DNAJC1: variants seen among roughly 807,000 people sequenced by gnomAD.
DNAJC1 encodes DnaJ heat shock protein family (Hsp40) member C1.
In DNAJC1, 58 loss-of-function variants were observed where a neutral mutation model predicts 76.6. The ratio of observed to expected loss-of-function variants is 0.76; its 90% confidence interval spans 0.61 to 0.94. DNAJC1 has a LOEUF of 0.94. Among genes scored for constraint, DNAJC1 ranks in the 40% least tolerant of loss-of-function variants. The probability of loss-of-function intolerance (pLI) is 0.00; values close to 1 mark genes in which losing one functional copy is unlikely to be tolerated. For missense variants in DNAJC1, 689 were observed against 677.3 expected, an observed-to-expected ratio of 1.02 and a Z score of -0.19; for synonymous variants, 258 against 267.9, an observed-to-expected ratio of 0.96 and a Z score of 0.36.
In DNAJC1 at chr10:21,919,819, T is replaced by C. The variant is rs1837011655; in HGVS notation, c.635+13A>G. ...ACAGCTTCAAATTATAAAGTATTTT[T>C]ATATGCTCTCACCTTTCATTTTTTT... On this transcript the variant is annotated intron_variant, in intron 5 of 11. Transcript: ENST00000376980. 3 of 1,570,306 alleles carry C rather than the reference T, an allele frequency of 1.9e-6. No individual in the cohort carries two copies. The highest frequency in any genetic ancestry group is 2.6e-6 in the Non-Finnish European group (3 of 1,153,074).
intron 9 of DNAJC1, chr10:21,785,251 A>G (rs1463636686): frequency 6.6e-6 from 1 of 152,236 alleles, no homozygotes; most frequent in Non-Finnish European, 1.5e-5. Context: ...GTGTGGAGGC[A>G]GTCAGGATGC....
intron 8 of DNAJC1, among the ~76,000 whole-genome samples, chr10:21,876,392 A>G (rs1321009559): frequency 6.6e-6 from 1 of 152,136 alleles, no homozygotes; most frequent in Non-Finnish European, 1.5e-5. Context: ...GATTATAGGC[A>G]TGAGCTACTG....
rs368875440 is a variant in DNAJC1 at position 21,987,789 on chromosome 10, T to C, written c.222+15424A>G. On this transcript the variant is annotated intron_variant, in intron 1 of 11. Coordinates refer to ENST00000376980, the MANE Select transcript of DNAJC1 (RefSeq NM_022365.4). ...CAAAGTAATATAATCTACACGGATA[T>C]ATGTTAGTAATATTAGCAGAACTCT... is the stretch of plus-strand genomic sequence containing the variant. Among the ~76,000 whole-genome samples, 6 of 152,334 alleles carry C rather than the reference T, an allele frequency of 3.9e-5. 1 individual carries two copies. In the South Asian group the frequency reaches 1.2e-3, roughly 32 times the overall value.
chr10:21,867,437 C>T (rs1836019738), intron 8 of DNAJC1, among the ~76,000 whole-genome samples: 1 of 152,040 alleles, frequency 6.6e-6, no homozygotes, highest in South Asian at 2.1e-4. Context: ...CTCAGTCATA[C>T]TAGTCAAATT....
At chr10:21,837,429 C>A (rs376749259) in intron 8 of DNAJC1, among the ~76,000 whole-genome samples, 8 of 150,318 alleles carry the variant, frequency 5.3e-5, no homozygotes, top group Non-Finnish European at 1.2e-4. Context: ...AAGTGAAGAG[C>A]GCCTCTTCCC....
intron 11 of DNAJC1, among the ~76,000 whole-genome samples, chr10:21,757,165 G>A (rs1223348799): frequency 1.3e-5 from 2 of 152,218 alleles, no homozygotes; most frequent in Non-Finnish European, 2.9e-5. Context: ...CTTTCCCTAG[G>A]CGCTGCTAAG....
In DNAJC1 at chr10:21,873,389, T is replaced by G. The variant is rs138661289; in HGVS notation, c.978+8893A>C. 3.6e-3 allele frequency among the ~76,000 whole-genome samples: 544 copies of G among 152,266 alleles called. 2 individuals carry two copies. Among genetic ancestry groups the G allele is most frequent in the Admixed American group, 5.8e-3 (89 of 15,296 alleles). ...ATGCCCCAAAGAAGTAACTCATGAT[T>G]TTGAGAAATCTTCAATAAGATTAAC... On this transcript the variant is annotated intron_variant, in intron 8 of 11. Coordinates refer to ENST00000376980, the MANE Select transcript of DNAJC1 (RefSeq NM_022365.4).
intron 9 of DNAJC1, among the ~76,000 whole-genome samples, chr10:21,780,937 G>C (rs11012786): frequency 8.9e-4 from 135 of 151,988 alleles, no homozygotes; most frequent in African/African-American, 3.1e-3. Flanking sequence ...AAGAAAAGCA[G>C]GGGTTGCAAT....
chr10:21,872,471 A>G lies in DNAJC1; in HGVS notation c.978+9811T>C, dbSNP rs539973133. Among the ~76,000 whole-genome samples, 196 of 152,306 alleles carry G rather than the reference A, an allele frequency of 1.3e-3. 2 individuals are homozygous for G. Among genetic ancestry groups the G allele is most frequent in the African/African-American group, 4.4e-3 (184 of 41,570 alleles). On this transcript the variant is annotated intron_variant, in intron 8 of 11. Coordinates refer to ENST00000376980, the MANE Select transcript of DNAJC1 (RefSeq NM_022365.4). ...GCACCACCAAATTCAGAATATCAAC[A>G]GATTAAGTTATTTAAAGGGCAAATA...
intron 8 of DNAJC1, among the ~76,000 whole-genome samples, chr10:21,834,188 T>C (rs901721298): frequency 3.7e-4 from 57 of 152,094 alleles, no homozygotes; most frequent in Middle Eastern, 3.4e-3. Context: ...GGCGTCAACC[T>C]GGGAGGTGGA....
chr10:21,813,021 A>G (rs913724288), intron 8 of DNAJC1, among the ~76,000 whole-genome samples: 17 of 84,370 alleles, frequency 2.0e-4, no homozygotes, highest in African/African-American at 8.2e-4. Flanking sequence ...ACATATACAC[A>G]CACATACACA....
At chr10:21,934,190 T>G (rs959766007) in intron 1 of DNAJC1, among the ~76,000 whole-genome samples, 2 of 151,738 alleles carry the variant, frequency 1.3e-5, no homozygotes, top group Non-Finnish European at 2.9e-5. Context: ...TGTTTGTGTC[T>G]TAATTTTTAA....
At chr10:21,782,288 TAGA>T (rs1834541877) in intron 9 of DNAJC1, among the ~76,000 whole-genome samples, 1 of 152,140 alleles carries the variant, frequency 6.6e-6, no homozygotes. Context: ...CTAGAAAATC[TAGA>T]AGAAATGGAT....
chr10:21,867,407 C>G (rs759274011), intron 8 of DNAJC1, among the ~76,000 whole-genome samples: 15 of 152,206 alleles, frequency 9.9e-5, no homozygotes, highest in Non-Finnish European at 2.1e-4. Context: ...TACAGGCCAA[C>G]ACAATTTAAA....
intron 8 of DNAJC1, among the ~76,000 whole-genome samples, chr10:21,876,558 C>G (rs1440019900): frequency 6.6e-6 from 1 of 152,102 alleles, no homozygotes; most frequent in Non-Finnish European, 1.5e-5. Flanking sequence ...TGGAAAACAA[C>G]AAGCTGCATT....
chr10:21,816,545 CTTTT>C (rs770275203), intron 8 of DNAJC1, among the ~76,000 whole-genome samples: 3 of 134,596 alleles, frequency 2.2e-5, no homozygotes, highest in Admixed American at 1.5e-4. Flanking sequence ...GTCTCTCTCT[CTTTT>C]TTTTTTTTTT....
intron 6 of DNAJC1, among the ~76,000 whole-genome samples, chr10:21,914,686 T>TA (rs1413418143): frequency 6.6e-6 from 1 of 152,078 alleles, no homozygotes; most frequent in Admixed American, 6.6e-5. Flanking sequence ...ATACCCTCTT[T>TA]AAAAAAAGGC....
intron 9 of DNAJC1, among the ~76,000 whole-genome samples, chr10:21,784,045 G>A (rs1356897832): frequency 1.3e-5 from 2 of 152,168 alleles, no homozygotes; most frequent in African/African-American, 4.8e-5. Flanking sequence ...AGCCAAAATT[G>A]ACAAATGGGA....
intron 6 of DNAJC1, among the ~76,000 whole-genome samples, chr10:21,910,184 C>T (rs1836831538): frequency 6.6e-6 from 1 of 151,570 alleles, no homozygotes; most frequent in Non-Finnish European, 1.5e-5. Context: ...GGCAAGATCT[C>T]GGCTCACTGC....
Sources: gnomAD v4.1 joint callset for allele counts (sites outside exome capture counted in the v4.1 genomes callset) on GRCh38, gnomAD v4.1.1 for gene constraint, MANE v1.5 for transcripts, NCBI Gene and HGNC (gene_info 2026-07-23, HGNC 2026-07-21) for gene names.